The following MAPK6 variants were observed in gnomAD, a reference collection of about 807,000 sequenced individuals.
MAPK6 encodes the protein mitogen-activated protein kinase 6, also known as ERK-3.
MAPK6 carries 19 observed loss-of-function variants against 59.3 expected under a neutral mutation model. The observed-to-expected ratio is 0.32, with a 90% CI of 0.22 to 0.47. The LOEUF is 0.47. MAPK6 is among the 20% of genes least tolerant of loss of function. The probability of loss-of-function intolerance (pLI) is 1.00; values close to 1 mark genes in which losing one functional copy is unlikely to be tolerated. For missense variants in MAPK6, 724 were observed against 847.9 expected (o/e 0.85, Z 1.81); for synonymous variants, 316 against 290.3 (o/e 1.09, Z -0.90).
upstream of MAPK6, among the ~76,000 whole-genome samples, chr15:52,014,619 A>G (rs9796534): frequency 0.037 from 5,521 of 150,874 alleles, 232 homozygotes; most frequent in African/African-American, 0.089. Flanking sequence ...AGGCAAGAAG[A>G]TTGCTTGAGC....
At chr15:52,037,256 A>G (rs569868673) in intron 1 of MAPK6, among the ~76,000 whole-genome samples, 97 of 152,194 alleles carry the variant, frequency 6.4e-4, no homozygotes, top group Non-Finnish European at 1.2e-3. Flanking sequence ...GAGAATCTCC[A>G]AGTAAGCATA....
rs1365190365 is a variant in MAPK6 at position 52,065,047 on chromosome 15, T to C, written c.*47T>C. ...TTTGTATTCTTCATGAAATGTGTTTTGTCTTTTTTTATTACTAGTGTTTAA... is the reference window on the plus strand; with the variant it reads ...TTTGTATTCTTCATGAAATGTGTTTCGTCTTTTTTTATTACTAGTGTTTAA... On this transcript the variant is annotated 3_prime_UTR_variant, in exon 6 of 6. Transcript: ENST00000261845. 2.7e-6 allele frequency: 4 copies of C among 1,503,784 alleles called. No homozygotes were observed. The highest frequency in any genetic ancestry group is 2.8e-5 in the African/African-American group (2 of 72,076). 93.2% of individuals were successfully genotyped at this position (1,503,784 alleles called of 1,614,324 possible).
intron 3 of MAPK6, among the ~76,000 whole-genome samples, chr15:52,051,978 A>G (rs1281874635): frequency 6.6e-6 from 1 of 152,208 alleles, no homozygotes; most frequent in East Asian, 1.9e-4. Context: ...GCTTAGGAAC[A>G]ATACTGTGAT....
intron 1 of MAPK6, among the ~76,000 whole-genome samples, chr15:52,028,229 G>A (rs2030888051): frequency 1.3e-5 from 2 of 152,096 alleles, no homozygotes; most frequent in African/African-American, 4.8e-5. Context: ...TGGGATTACA[G>A]GTGTGAACCA....
At chr15:52,012,544 A>T (rs1366804587) in intron 3 of MAPK6, among the ~76,000 whole-genome samples, 2 of 152,190 alleles carry the variant, frequency 1.3e-5, no homozygotes, top group Non-Finnish European at 2.9e-5. Context: ...GAACAAAGAT[A>T]TTGTACTTTA....
intron 1 of MAPK6, among the ~76,000 whole-genome samples, chr15:52,033,228 G>A (rs1009641327): frequency 2.0e-5 from 3 of 152,158 alleles, no homozygotes; most frequent in Non-Finnish European, 2.9e-5. Context: ...AGGATGCCTA[G>A]GTAGCTGGTA....
chr15:52,065,842 A>C lies in MAPK6; in HGVS notation c.*842A>C, dbSNP rs532937502. Reference sequence around the variant, plus strand: ...GCTGTCCACGTACTTAATTTACTTAAGTGTTCATTTTAAGTAACGTGCTCA... The same window carrying C: ...GCTGTCCACGTACTTAATTTACTTACGTGTTCATTTTAAGTAACGTGCTCA... On this transcript the variant is annotated 3_prime_UTR_variant, in exon 6 of 6. Transcript: ENST00000261845. 2.0e-5 allele frequency: 3 copies of C among 152,702 alleles called. No homozygotes were observed. The East Asian group carries it at 5.8e-4, about 29-fold the overall frequency. 9.5% of individuals were successfully genotyped at this position (152,702 alleles called of 1,614,324 possible).
chr15:52,020,956 G>A (rs2030505395), intron 1 of MAPK6, among the ~76,000 whole-genome samples: 1 of 152,054 alleles, frequency 6.6e-6, no homozygotes, highest in African/African-American at 2.4e-5. Context: ...TGATCACCTA[G>A]GTATTACTGT....
At chr15:52,035,506 C>T (rs985305530) in intron 1 of MAPK6, 5 of 152,524 alleles carry the variant, frequency 3.3e-5, no homozygotes, top group African/African-American at 1.2e-4. Flanking sequence ...CGCCTGTAGT[C>T]CCAGCTACTT....
chr15:52,033,559 T>G (rs961066711), intron 1 of MAPK6: 2 of 152,240 alleles, frequency 1.3e-5, no homozygotes, highest in Non-Finnish European at 2.9e-5. Flanking sequence ...CAGCCACAGA[T>G]TGAAGGCTGC....
At chr15:51,984,857 T>C (rs1434872294) in intron 2 of MAPK6, among the ~76,000 whole-genome samples, 1 of 152,186 alleles carries the variant, frequency 6.6e-6, no homozygotes, top group African/African-American at 2.4e-5. Context: ...CAGCTCTATA[T>C]CTCTGGGAAG....
intron 1 of MAPK6, chr15:52,024,690 T>G (rs2030686728): frequency 6.6e-6 from 1 of 151,678 alleles, no homozygotes; most frequent in Non-Finnish European, 1.5e-5. Flanking sequence ...AGTGCTGGGA[T>G]TACAGGTATG....
intron 1 of MAPK6, among the ~76,000 whole-genome samples, chr15:51,972,336 A>G (rs1595952896): frequency 6.6e-6 from 1 of 151,718 alleles, no homozygotes; most frequent in African/African-American, 2.4e-5. Context: ...ACGGGGTTTC[A>G]CCGTGTTGCC....
intron 2 of MAPK6, among the ~76,000 whole-genome samples, chr15:51,989,354 C>T (rs929137504): frequency 2.6e-5 from 4 of 152,058 alleles, no homozygotes; most frequent in Admixed American, 2.6e-4. Flanking sequence ...GCCGAGATTA[C>T]AGGCACCCGG....
chr15:51,998,555 T>C (rs2057232547), intron 2 of MAPK6, among the ~76,000 whole-genome samples: 1 of 143,550 alleles, frequency 7.0e-6, no homozygotes, highest in Non-Finnish European at 1.5e-5. Context: ...AGAGTCTCAC[T>C]CTATTGCCCA....
At chr15:52,050,185 G>T (rs1457768726) in intron 3 of MAPK6, 48 bp downstream of exon 3, 2 of 1,508,736 alleles carry the variant, frequency 1.3e-6, no homozygotes, top group Non-Finnish European at 9.0e-7. Flanking sequence ...AAGTAATTTT[G>T]CATTTTATCT....
rs1192611281 is a variant in MAPK6 at position 52,067,044 on chromosome 15, A to T, written c.*2044A>T. On this transcript the variant is annotated 3_prime_UTR_variant, in exon 6 of 6. Transcript: ENST00000261845. Reference sequence around the variant, plus strand: ...AGACATTGGTCCCTGATCCTCCATTATAACCAATTTTTTGCAAACGTATGT... The same window carrying T: ...AGACATTGGTCCCTGATCCTCCATTTTAACCAATTTTTTGCAAACGTATGT... 1 of 152,204 alleles carries T rather than the reference A, an allele frequency of 6.6e-6. No individual in the cohort carries two copies. The highest frequency in any genetic ancestry group is 2.4e-5 in the African/African-American group (1 of 41,446). 9.4% of individuals were successfully genotyped at this position (152,204 alleles called of 1,614,324 possible).
chr15:51,984,570 TG>T (rs779462905), intron 2 of MAPK6, among the ~76,000 whole-genome samples: 3 of 150,300 alleles, frequency 2.0e-5, no homozygotes, highest in Non-Finnish European at 4.4e-5. Context: ...CCCAAAGTGC[TG>T]GGATTACAGG....
chr15:52,050,996 G>A (rs1242606173), intron 3 of MAPK6, among the ~76,000 whole-genome samples: 1 of 152,086 alleles, frequency 6.6e-6, no homozygotes, highest in African/African-American at 2.4e-5. Context: ...TTTAGTTGGG[G>A]AAGTGGTGTG....
Sources: allele counts gnomAD v4.1 joint callset (sites outside exome capture counted in the v4.1 genomes callset), GRCh38; gene constraint gnomAD v4.1.1; transcripts MANE v1.5; gene names NCBI Gene and HGNC (gene_info 2026-07-23, HGNC 2026-07-21).